PIEZO2: variants seen among roughly 807,000 people sequenced by gnomAD.
The protein encoded by PIEZO2 is piezo type mechanosensitive ion channel component 2, also known as piezo-type mechanosensitive ion channel component 2.
Under a neutral mutation model 337.3 loss-of-function variants are expected in PIEZO2, and 172 were observed. The ratio of observed to expected loss-of-function variants is 0.51; its 90% CI spans 0.45 to 0.58. The LOEUF is 0.58. Ranked by LOEUF, PIEZO2 falls within the 20% of genes least tolerant of loss-of-function variation. The pLI is 0.00. For missense variants in PIEZO2, 3,028 were observed against 3,391.3 expected, an observed-to-expected ratio of 0.89 and a Z score of 2.66; for synonymous variants, 1,251 against 1,228.5, an observed-to-expected ratio of 1.02 and a Z score of -0.38.
At position 10,762,041 on chromosome 18, in the gene PIEZO2, C is replaced by T. The variant is rs145878280; in HGVS notation, c.3249+459G>A. Among the ~76,000 whole-genome samples, 29 of 152,252 alleles carry T rather than the reference C, an allele frequency of 1.9e-4. No homozygotes were observed. The East Asian group carries it at 3.1e-3, about 16-fold the overall frequency. ...CTATAGATAAACAGAATTTACACAGCGAAAATGTCTTGTAAGGCTATATCC... is the reference window on the plus strand; with the variant it reads ...CTATAGATAAACAGAATTTACACAGTGAAAATGTCTTGTAAGGCTATATCC... On this transcript the variant is annotated intron_variant, in intron 23 of 55. Coordinates refer to ENST00000674853, the MANE Select transcript of PIEZO2 (RefSeq NM_001378183.1).
Position 11,148,665 on chromosome 18 carries a change from C to G in PIEZO2, c.-77G>C. 7.0e-7 allele frequency: 1 copy of G among 1,436,666 alleles called. No individual in the cohort carries two copies. The highest frequency in any genetic ancestry group is 9.4e-7 in the Non-Finnish European group (1 of 1,062,668). The allele number at this position is 1,436,666 out of a possible 1,614,324, so 89.0% of individuals were successfully genotyped here. On this transcript the variant is annotated 5_prime_UTR_variant, in exon 1 of 56. Coordinates refer to ENST00000674853, the MANE Select transcript of PIEZO2 (RefSeq NM_001378183.1). The surrounding 1 kb of genome is among the most constrained non-coding windows in gnomAD (Gnocchi z 5.2). ...GGGTGGTGGGACGCAAGGCCCATGC[C>G]CGTCTATGGCCTCTCGCCGCCGGCA... is the stretch of plus-strand genomic sequence containing the variant.
intron 3 of PIEZO2, among the ~76,000 whole-genome samples, chr18:10,921,325 G>A (rs142519394): frequency 3.9e-4 from 59 of 152,190 alleles, no homozygotes; most frequent in African/African-American, 1.3e-3. Flanking sequence ...CAGAGGGACC[G>A]GCTGAAGCCA....
chr18:10,764,810 C>G (rs1442126119), intron 21 of PIEZO2, among the ~76,000 whole-genome samples: 1 of 152,236 alleles, frequency 6.6e-6, no homozygotes, highest in South Asian at 2.1e-4. Context: ...CATGGAAAGG[C>G]CCTGCAAACC....
intron 1 of PIEZO2, among the ~76,000 whole-genome samples, chr18:11,098,229 A>G (rs1320676860): frequency 6.6e-6 from 1 of 151,480 alleles, no homozygotes; most frequent in East Asian, 1.9e-4. Flanking sequence ...TACTTTGGAA[A>G]ATTCAGAAGC....
In PIEZO2 at chr18:10,942,606, A is replaced by T. The variant is rs979057935; in HGVS notation, c.287-31378T>A. On this transcript the variant is annotated intron_variant, in intron 3 of 55. Coordinates refer to ENST00000674853, the MANE Select transcript of PIEZO2 (RefSeq NM_001378183.1). This position sits in a 1 kb window ranked among gnomAD's most constrained non-coding sequence, Gnocchi z 4.4. ...CCTGTAAAAGGCATTCAGTTTTAGA[A>T]GAGAAGCAGAGCACAAAAGTTCGGA... Among the ~76,000 whole-genome samples, 4 of 152,230 alleles carry T rather than the reference A, an allele frequency of 2.6e-5. No individual in the cohort carries two copies. The highest frequency in any genetic ancestry group is 5.9e-5 in the Non-Finnish European group (4 of 68,038).
intron 3 of PIEZO2, among the ~76,000 whole-genome samples, chr18:10,947,545 T>C (rs1423018009): frequency 6.6e-6 from 1 of 152,200 alleles, no homozygotes; most frequent in Non-Finnish European, 1.5e-5. Context: ...TAAAATGCTT[T>C]ACCAGCAGAG....
intron 1 of PIEZO2, among the ~76,000 whole-genome samples, chr18:11,073,878 G>T (rs1328522152): frequency 7.0e-6 from 1 of 142,468 alleles, no homozygotes; most frequent in East Asian, 2.2e-4. Flanking sequence ...ACAGAGTCTG[G>T]CTCTGTCGCC....
At chr18:10,684,519 C>A (rs747529099) in intron 49 of PIEZO2, among the ~76,000 whole-genome samples, 2 of 147,944 alleles carry the variant, frequency 1.4e-5, no homozygotes, top group Middle Eastern at 6.9e-3. Context: ...GGCTGGGGTG[C>A]GGTGGTGCAG....
chr18:10,769,337 T>G (rs961437633), intron 21 of PIEZO2, among the ~76,000 whole-genome samples: 1 of 152,230 alleles, frequency 6.6e-6, no homozygotes, highest in Non-Finnish European at 1.5e-5. Flanking sequence ...TTCATATGGT[T>G]TGTATGAAAT....
chr18:11,133,257 A>G (rs925662875), intron 1 of PIEZO2, among the ~76,000 whole-genome samples: 1 of 152,170 alleles, frequency 6.6e-6, no homozygotes, highest in African/African-American at 2.4e-5. Context: ...AACTTTATGT[A>G]ATAGTATTTG....
chr18:10,883,508 G>C (rs1370892635), intron 4 of PIEZO2, among the ~76,000 whole-genome samples: 1 of 152,144 alleles, frequency 6.6e-6, no homozygotes, highest in Non-Finnish European at 1.5e-5. Context: ...GCATACGTTA[G>C]ATATACATAT....
At chr18:10,841,156 A>G (rs2041179394) in intron 7 of PIEZO2, among the ~76,000 whole-genome samples, 2 of 152,316 alleles carry the variant, frequency 1.3e-5, no homozygotes, top group African/African-American at 4.8e-5. Flanking sequence ...AATCAAAAAT[A>G]TATGATACAA....
intron 17 of PIEZO2, among the ~76,000 whole-genome samples, chr18:10,782,677 T>C (rs2039072573): frequency 1.3e-5 from 2 of 151,168 alleles, no homozygotes; most frequent in Admixed American, 6.7e-5. Context: ...AAGCCACAGC[T>C]GCAAGGAAGG....
chr18:10,931,695 G>A (rs527854466), intron 3 of PIEZO2, among the ~76,000 whole-genome samples: 39 of 123,046 alleles, frequency 3.2e-4, no homozygotes, highest in African/African-American at 1.3e-3. Context: ...CTTTCTCTGT[G>A]TGGTGTGTGT....
intron 35 of PIEZO2, among the ~76,000 whole-genome samples, chr18:10,733,517 T>C (rs2036871370): frequency 6.8e-6 from 1 of 147,010 alleles, no homozygotes; most frequent in Admixed American, 6.9e-5. Context: ...TGGCGCCATC[T>C]CCGCTCACTG....
At chr18:10,901,989 C>A (rs535580881) in intron 4 of PIEZO2, among the ~76,000 whole-genome samples, 1 of 152,086 alleles carries the variant, frequency 6.6e-6, no homozygotes, top group South Asian at 2.1e-4. Flanking sequence ...TACTGGTCCT[C>A]GTCCATAGCC....
In PIEZO2 at chr18:10,830,526, A is replaced by T. The variant is rs1408712770; in HGVS notation, c.918-23252T>A. Among the ~76,000 whole-genome samples, 1 of 151,252 alleles carries T rather than the reference A, an allele frequency of 6.6e-6. No individual in the cohort carries two copies. The highest frequency in any genetic ancestry group is 1.5e-5 in the Non-Finnish European group (1 of 67,878). On this transcript the variant is annotated intron_variant, in intron 7 of 55. Coordinates refer to ENST00000674853, the MANE Select transcript of PIEZO2 (RefSeq NM_001378183.1). The surrounding 1 kb of genome is among the most constrained non-coding windows in gnomAD (Gnocchi z 4.7). ...TATTTCTCTCCATTTACAAACATCA[A>T]ATCAAAATGGATTAAAGACTTAAAT...
chr18:10,737,363 C>G (rs565214507), intron 33 of PIEZO2, among the ~76,000 whole-genome samples: 1 of 151,352 alleles, frequency 6.6e-6, no homozygotes, highest in African/African-American at 2.4e-5. Flanking sequence ...CAACACAACA[C>G]AACAACAACA....
Position 10,856,947 on chromosome 18 carries a change from C to G in PIEZO2, c.703+54G>C. 3.4e-6 allele frequency: 5 copies of G among 1,451,430 alleles called. No homozygotes were observed. The South Asian group carries it at 6.1e-5, about 18-fold the overall frequency. The allele number at this position is 1,451,430 out of a possible 1,614,324, so 89.9% of individuals were successfully genotyped here. A position where few individuals can be genotyped will look rare whatever the true frequency, so the allele number is the denominator to read the frequency against. On this transcript the variant is annotated intron_variant, in intron 6 of 55. Transcript: ENST00000674853. The surrounding 1 kb of genome is among the most constrained non-coding windows in gnomAD (Gnocchi z 4.7). ...CTTCTTCAACCATTTCTCTCATTCACCAAAGCACTGCTTGTGCCTTTTGCT... is the reference window on the plus strand; with the variant it reads ...CTTCTTCAACCATTTCTCTCATTCAGCAAAGCACTGCTTGTGCCTTTTGCT...
Sources: gnomAD v4.1 joint callset for allele counts (sites outside exome capture counted in the v4.1 genomes callset) on GRCh38, gnomAD v4.1.1 for gene constraint, Gnocchi (gnomAD v3.1) non-coding constraint, MANE v1.5 for transcripts, NCBI Gene and HGNC (gene_info 2026-07-23, HGNC 2026-07-21) for gene names.